The following NREP variants were observed in gnomAD, a reference collection of about 807,000 sequenced individuals.
The protein encoded by NREP is neuronal regeneration-related protein.
A neutral mutation model predicts 8.6 loss-of-function variants in NREP; 5 were observed. The ratio of observed to expected loss-of-function variants is 0.58; its 90% CI spans 0.30 to 1.22. The LOEUF (loss-of-function observed/expected upper bound fraction) is 1.22. NREP is among the 50% of genes most tolerant of loss of function. NREP has a pLI of 0.07. For synonymous variants in NREP, 27 were observed against 28.0 expected (o/e 0.96, Z 0.11); for missense variants, 86 against 82.5 (o/e 1.04, Z -0.17).
At chr5:111,784,577 T>C (rs1437497684) in intron 2 of NREP, among the ~76,000 whole-genome samples, 1 of 152,188 alleles carries the variant, frequency 6.6e-6, no homozygotes, top group Non-Finnish European at 1.5e-5. Flanking sequence ...TTTTGAGAAG[T>C]AGGTTAGCAT....
At chr5:111,747,557 G>C (rs1045764827) in intron 2 of NREP, among the ~76,000 whole-genome samples, 1 of 152,146 alleles carries the variant, frequency 6.6e-6, no homozygotes, top group Non-Finnish European at 1.5e-5. Flanking sequence ...CAAAACTTCT[G>C]TGCACATTAT....
intron 2 of NREP, among the ~76,000 whole-genome samples, chr5:111,916,920 G>A (rs989190241): frequency 2.0e-5 from 3 of 152,100 alleles, no homozygotes; most frequent in African/African-American, 7.2e-5. Context: ...AAATTTCAGA[G>A]CAGGGATGGA....
intron 2 of NREP, among the ~76,000 whole-genome samples, chr5:111,872,217 T>C (rs79260514): frequency 0.019 from 2,921 of 152,166 alleles, 48 homozygotes; most frequent in Non-Finnish European, 0.027. Context: ...GAGGCCAGCA[T>C]ATCAGGTATC....
At chr5:111,964,779 A>AGGGTATAT in intron 2 of NREP, among the ~76,000 whole-genome samples, 1 of 141,626 alleles carries the variant, frequency 7.1e-6, no homozygotes, top group East Asian at 2.4e-4. Context: ...GAGCTTCTTT[A>AGGGTATAT]GGGTATATAC....
At chr5:111,844,731 G>A (rs1753117438) in intron 2 of NREP, among the ~76,000 whole-genome samples, 1 of 146,464 alleles carries the variant, frequency 6.8e-6, no homozygotes, top group Admixed American at 6.8e-5. Context: ...ATATTCTATT[G>A]TTGCCTGACT....
intron 2 of NREP, among the ~76,000 whole-genome samples, chr5:111,884,628 G>T (rs1754187869): frequency 6.6e-6 from 1 of 152,152 alleles, no homozygotes; most frequent in Admixed American, 6.5e-5. Flanking sequence ...TATCCACCAT[G>T]ATCAAGTGGG....
rs1385829437 is a variant in NREP at position 111,744,531 on chromosome 5, CTA to C, written c.4-9026_4-9025del. 1.8e-4 allele frequency among the ~76,000 whole-genome samples: 27 copies of C among 152,046 alleles called. No homozygotes were observed. The East Asian group carries it at 4.5e-3, about 25-fold the overall frequency. ...GGCTTCTAAGAAAACTGTCAGAAAA[CTA>C]AAAGTACAAGAGGAATGGAATAGGG... On this transcript the variant is annotated intron_variant, in intron 2 of 3. Transcript: ENST00000257435.
At chr5:111,975,356 C>T (rs1192701096) in exon 2 of NREP, 11 of 1,551,476 alleles carry the variant, frequency 7.1e-6, no homozygotes, top group Middle Eastern at 1.7e-4. Context: ...CCTCTGGGTT[C>T]GTGTTTCATC....
chr5:111,926,314 T>C (rs902948420), intron 2 of NREP, among the ~76,000 whole-genome samples: 1 of 152,080 alleles, frequency 6.6e-6, no homozygotes, highest in East Asian at 1.9e-4. Flanking sequence ...AGACACTTAA[T>C]AGTTGTCTCA....
intron 2 of NREP, among the ~76,000 whole-genome samples, chr5:111,947,193 G>A (rs1756012311): frequency 6.6e-6 from 1 of 151,970 alleles, no homozygotes; most frequent in African/African-American, 2.4e-5. Flanking sequence ...ATAGTTGTCT[G>A]TACACAGTAG....
upstream of NREP, among the ~76,000 whole-genome samples, chr5:111,761,666 C>G (rs1750962873): frequency 6.6e-6 from 1 of 152,190 alleles, no homozygotes; most frequent in Non-Finnish European, 1.5e-5. Context: ...TCCATTATCC[C>G]TTTCTTCCTT....
At chr5:111,881,866 C>A (rs1366586964) in intron 2 of NREP, among the ~76,000 whole-genome samples, 5 of 149,834 alleles carry the variant, frequency 3.3e-5, no homozygotes, top group Admixed American at 6.6e-5. Context: ...ATAGATAAAA[C>A]CACAAAGATG....
chr5:111,734,092 C>T (rs1025459180), intron 3 of NREP: 1 of 152,228 alleles, frequency 6.6e-6, no homozygotes, highest in African/African-American at 2.4e-5. Context: ...GAGACAAGAC[C>T]TAGCACAGCA....
chr5:111,844,863 T>C (rs1054661149), intron 2 of NREP, among the ~76,000 whole-genome samples: 3 of 151,290 alleles, frequency 2.0e-5, no homozygotes, highest in Non-Finnish European at 4.4e-5. Context: ...GAATTGTGCA[T>C]ACTAAATTCT....
chr5:111,962,099 GC>G (rs1295846115), intron 2 of NREP, among the ~76,000 whole-genome samples: 13 of 152,190 alleles, frequency 8.5e-5, no homozygotes, highest in African/African-American at 3.1e-4. Flanking sequence ...AGCTCAGGTT[GC>G]CTAAATAGTT....
intron 2 of NREP, among the ~76,000 whole-genome samples, chr5:111,967,955 T>A (rs1193249923): frequency 6.6e-6 from 1 of 152,206 alleles, no homozygotes; most frequent in Non-Finnish European, 1.5e-5. Flanking sequence ...AAACTCCTAT[T>A]AGGTTGGTGC....
At chr5:111,950,700 A>G (rs1756132177) in intron 2 of NREP, among the ~76,000 whole-genome samples, 1 of 101,372 alleles carries the variant, frequency 9.9e-6, no homozygotes, top group Non-Finnish European at 1.8e-5. Flanking sequence ...AATTTACAAG[A>G]AAAAAAAAAA....
chr5:111,936,100 T>C (rs933451601), intron 2 of NREP, among the ~76,000 whole-genome samples: 1 of 152,104 alleles, frequency 6.6e-6, no homozygotes, highest in Non-Finnish European at 1.5e-5. Flanking sequence ...TTTGTTTCTG[T>C]GTGGTTTTTT....
Position 111,852,773 on chromosome 5 carries a change from G to A in NREP, c.136-117266C>T, listed in dbSNP as rs116797356. ...CATTGTTTTTGGAGTGTACAAGCAG[G>A]ACATTAAACCATTACAAGTGGACAC... On this transcript the variant is annotated intron_variant, in intron 2 of 3. Transcript: ENST00000395634. Among the ~76,000 whole-genome samples the A allele has an allele frequency of 2.6e-3, 394 of 152,218 alleles. 3 individuals are homozygous for A. The highest frequency in any genetic ancestry group is 8.8e-3 in the African/African-American group (366 of 41,528).
Sources: allele counts gnomAD v4.1 joint callset (sites outside exome capture counted in the v4.1 genomes callset), GRCh38; gene constraint gnomAD v4.1.1; transcripts MANE v1.5; gene names NCBI Gene and HGNC (gene_info 2026-07-23, HGNC 2026-07-21).